SF3A2: variants seen among roughly 807,000 people sequenced by gnomAD.
The protein encoded by SF3A2 is splicing factor 3a subunit 2, also known as SAP 62.
SF3A2 carries 5 observed loss-of-function variants against 31.1 expected under a neutral mutation model. The ratio of observed to expected loss-of-function variants is 0.16; its 90% CI spans 0.08 to 0.34. The LOEUF (loss-of-function observed/expected upper bound fraction) is 0.34. Among genes scored for constraint, SF3A2 ranks in the 10% least tolerant of loss-of-function variants. The pLI, the probability that SF3A2 is intolerant of heterozygous loss-of-function variation, is 1.00. For synonymous variants in SF3A2, 365 were observed against 263.7 expected, an observed-to-expected ratio of 1.38 and a Z score of -3.72; for missense variants, 577 against 643.9, an observed-to-expected ratio of 0.90 and a Z score of 1.13.
chr19:2,244,834 T>G, intron 4 of SF3A2, 55 bp downstream of exon 4: 1 of 1,539,208 alleles, frequency 6.5e-7, no homozygotes, highest in South Asian at 1.1e-5. Context: ...TTGGCTCAAG[T>G]CTCTGTGAGC....
chr19:2,244,948 G>A, intron 4 of SF3A2, 169 bp downstream of exon 4: 2 of 626,322 alleles, frequency 3.2e-6, no homozygotes, highest in Non-Finnish European at 5.6e-6. Flanking sequence ...GGCATGGATG[G>A]CTGAGGCGGG....
rs760420249 is a variant in SF3A2 at position 2,247,837 on chromosome 19, G to C, written c.686G>C (p.Gly229Ala). ...CCCAGCCTCCCTGCTGGCCCCCCTGGGGTGAAGCGGCCTCCACCCCCGCTG... is the reference window on the plus strand; with the variant it reads ...CCCAGCCTCCCTGCTGGCCCCCCTGCGGTGAAGCGGCCTCCACCCCCGCTG... The part of the protein sequence containing the change: ...APPSLPAGPP[G>A]VKRPPPPLMN... Residue 229 changes from glycine to alanine, a missense_variant, in exon 9 of 9, where the codon GGG becomes GCG. Coordinates refer to ENST00000221494, the MANE Select transcript of SF3A2 (RefSeq NM_007165.5). The C allele has an allele frequency of 1.3e-6, 2 of 1,589,156 alleles. No homozygotes were observed. The highest frequency in any genetic ancestry group is 2.2e-5 in the South Asian group (2 of 90,690).
At chr19:2,241,953 C>G (rs2024893414) in intron 1 of SF3A2, among the ~76,000 whole-genome samples, 1 of 152,192 alleles carries the variant, frequency 6.6e-6, no homozygotes, top group East Asian at 1.9e-4. Flanking sequence ...AGTTACCATG[C>G]TTGATCATTT....
intron 1 of SF3A2, among the ~76,000 whole-genome samples, chr19:2,238,247 C>T (rs970963908): frequency 5.9e-5 from 9 of 152,190 alleles, no homozygotes; most frequent in African/African-American, 2.2e-4. Context: ...TGGTCTCGAA[C>T]TCCTGACCAG....
rs923364327 is a variant in SF3A2 at position 2,244,414 on chromosome 19, G to A, written c.127-130G>A. On this transcript the variant is annotated intron_variant, in intron 2 of 8. Transcript: ENST00000221494. ...TCAGAAATGCTTGACCACTGTCAGC[G>A]GTAGCCATGCCTCTACAGAAGGGGG... is the stretch of plus-strand genomic sequence containing the variant. 15 of 712,822 alleles carry A rather than the reference G, an allele frequency of 2.1e-5. No individual in the cohort carries two copies. The East Asian group carries it at 2.2e-4, about 10-fold the overall frequency. 44.2% of individuals were successfully genotyped at this position (712,822 alleles called of 1,614,324 possible). A position where few individuals can be genotyped will look rare whatever the true frequency, so the allele number is the denominator to read the frequency against.
intron 7 of SF3A2, among the ~76,000 whole-genome samples, 177 bp from the exon 8 acceptor site, chr19:2,247,417 G>A (rs1476778916): frequency 6.6e-6 from 1 of 152,158 alleles, no homozygotes; most frequent in South Asian, 2.1e-4. Context: ...CTAGCATTGA[G>A]GCCAGGTCTG....
intron 7 of SF3A2, 155 bp downstream of exon 7, chr19:2,247,177 C>T (rs1008623877): frequency 2.0e-5 from 13 of 636,778 alleles, no homozygotes; most frequent in African/African-American, 3.7e-5. Flanking sequence ...GGGCAGGGCA[C>T]CTCTCCCATT....
chr19:2,245,334 C>T lies in SF3A2; in HGVS notation c.246-112C>T. Reference sequence around the variant, plus strand: ...CCCCTCCCAGGCCCCTGGCCCTCCTCATCTCTCAGCTTGTAGTGAGCTCCA... The same window carrying T: ...CCCCTCCCAGGCCCCTGGCCCTCCTTATCTCTCAGCTTGTAGTGAGCTCCA... On this transcript the variant is annotated intron_variant, in intron 4 of 8. Transcript: ENST00000221494. This position sits in a 1 kb window ranked among gnomAD's most constrained non-coding sequence, Gnocchi z 4.2. The T allele has an allele frequency of 1.3e-6, 1 of 749,362 alleles. No individual in the cohort carries two copies. The highest frequency in any genetic ancestry group is 2.2e-6 in the Non-Finnish European group (1 of 451,508). 46.4% of individuals were successfully genotyped at this position (749,362 alleles called of 1,614,324 possible). A position where few individuals can be genotyped will look rare whatever the true frequency, so the allele number is the denominator to read the frequency against.
rs369028366 is a variant in SF3A2, at chr19:2,239,350, C to T, written c.-38+2449C>T. Among the ~76,000 whole-genome samples, 202 of 91,740 alleles carry T rather than the reference C, an allele frequency of 2.2e-3. 2 individuals carry two copies. Among genetic ancestry groups the T allele is most frequent in the African/African-American group, 8.1e-3 (183 of 22,672 alleles). 60.2% of individuals were successfully genotyped at this position (91,740 alleles called of 152,430 possible). On this transcript the variant is annotated intron_variant, in intron 1 of 8. Transcript: ENST00000221494. ...ACTGCCTGGGCGACAGAGCGAGAATCCGTCTCAAAAAAAAAAAAAAAAAAA... is the reference window on the plus strand; with the variant it reads ...ACTGCCTGGGCGACAGAGCGAGAATTCGTCTCAAAAAAAAAAAAAAAAAAA...
At position 2,245,855 on chromosome 19, in the gene SF3A2, G is replaced by A. The variant is rs1201939749; in HGVS notation, c.355+300G>A. On this transcript the variant is annotated intron_variant, in intron 5 of 8. Coordinates refer to ENST00000221494, the MANE Select transcript of SF3A2 (RefSeq NM_007165.5). This position sits in a 1 kb window ranked among gnomAD's most constrained non-coding sequence, Gnocchi z 4.2. ...ATTCTTGCCAAGCAAAAGAGTGGAA[G>A]TGGAGGTGTGGTGAGCCCTGGCACA... 1.2e-5 allele frequency: 5 copies of A among 433,250 alleles called. No homozygotes were observed. Among genetic ancestry groups the A allele is most frequent in the Non-Finnish European group, 2.1e-5 (5 of 236,792 alleles). The allele number at this position is 433,250 out of a possible 1,614,324, so 26.8% of individuals were successfully genotyped here.
intron 1 of SF3A2, 29 bp from the exon 2 acceptor site, chr19:2,243,353 C>G: frequency 2.1e-6 from 3 of 1,460,108 alleles, no homozygotes; most frequent in Non-Finnish European, 2.7e-6. Context: ...TCTGAGCCAT[C>G]TTCCTCACTC....
intron 7 of SF3A2, 31 bp downstream of exon 7, chr19:2,247,053 C>T (rs1599654323): frequency 1.9e-6 from 3 of 1,587,054 alleles, no homozygotes; most frequent in African/African-American, 1.4e-5. Flanking sequence ...CCTGGGCCCC[C>T]TTGAGATGTG....
chr19:2,241,552 G>A (rs1457849110), intron 1 of SF3A2, among the ~76,000 whole-genome samples: 1 of 152,238 alleles, frequency 6.6e-6, no homozygotes, highest in Non-Finnish European at 1.5e-5. Context: ...TGGGCCGTCC[G>A]GAGACAGAAC....
In SF3A2 at chr19:2,248,161, A is replaced by G; in HGVS notation, c.1010A>G (p.His337Arg). 7.0e-7 allele frequency: 1 copy of G among 1,432,088 alleles called. No individual in the cohort carries two copies. Among genetic ancestry groups the G allele is most frequent in the Non-Finnish European group, 9.4e-7 (1 of 1,068,814 alleles). 88.7% of individuals were successfully genotyped at this position (1,432,088 alleles called of 1,614,324 possible). A position where few individuals can be genotyped will look rare whatever the true frequency, so the allele number is the denominator to read the frequency against. Residue 337 changes from histidine (H) to arginine (R), a missense_variant, in exon 9 of 9, where the codon CAC (histidine) becomes CGC (arginine). His to Arg is a conservative substitution (Grantham distance 29). Around this residue, in one of 6 missense-constraint regions of SF3A2, gnomAD observed 462 missense variants for 339.1 expected, o/e 1.36. Transcript: ENST00000221494. ...GTCCACCCCCCAGCTCCTGGAGTCCACCCTCCAGCCCCCGGGGTTCACCCA... is the reference window on the plus strand; with the variant it reads ...GTCCACCCCCCAGCTCCTGGAGTCCGCCCTCCAGCCCCCGGGGTTCACCCA... ...SGVHPPAPGV[H>R]PPAPGVHPPA...
chr19:2,245,843 A>C lies in SF3A2; in HGVS notation c.355+288A>C. 2 of 458,030 alleles carry C rather than the reference A, an allele frequency of 4.4e-6. No individual in the cohort carries two copies. Among genetic ancestry groups the C allele is most frequent in the South Asian group, 5.1e-5 (2 of 39,392 alleles). 28.4% of individuals were successfully genotyped at this position (458,030 alleles called of 1,614,324 possible). On this transcript the variant is annotated intron_variant, in intron 5 of 8. Transcript: ENST00000221494. The surrounding 1 kb of genome is among the most constrained non-coding windows in gnomAD (Gnocchi z 4.2). ...AAGCTTCTGGGAATTCTTGCCAAGC[A>C]AAAGAGTGGAAGTGGAGGTGTGGTG...
intron 1 of SF3A2, among the ~76,000 whole-genome samples, chr19:2,238,220 C>T (rs568194249): frequency 1.3e-5 from 2 of 152,280 alleles, no homozygotes; most frequent in Admixed American, 1.3e-4. Flanking sequence ...GACGAGGTTT[C>T]GCCATGTTGC....
intron 1 of SF3A2, chr19:2,237,577 T>C (rs1407405045): frequency 1.3e-5 from 2 of 152,208 alleles, no homozygotes; most frequent in Admixed American, 6.5e-5. Flanking sequence ...AGCAAGACCC[T>C]GTTTGACAAA....
rs1404630097 is a variant in SF3A2 at position 2,243,314 on chromosome 19, C to G, written c.-37-68C>G. 3 of 1,334,900 alleles carry G rather than the reference C, an allele frequency of 2.2e-6. No homozygotes were observed. The African/African-American group carries it at 4.6e-5, about 21-fold the overall frequency. The allele number at this position is 1,334,900 out of a possible 1,614,324, so 82.7% of individuals were successfully genotyped here. A position where few individuals can be genotyped will look rare whatever the true frequency, so the allele number is the denominator to read the frequency against. On this transcript the variant is annotated intron_variant, in intron 1 of 8. Coordinates refer to ENST00000221494, the MANE Select transcript of SF3A2 (RefSeq NM_007165.5). ...TCTCGAGGGCTCCAGCCCAGCCCGC[C>G]CAGGGAGGTCCCAGCAGCAGCCCCG...
chr19:2,243,488 C>T lies in SF3A2; in HGVS notation c.70C>T (p.Arg24Cys). 1.3e-6 allele frequency: 2 copies of T among 1,552,024 alleles called. No individual in the cohort carries two copies. Among genetic ancestry groups the T allele is most frequent in the Non-Finnish European group, 1.7e-6 (2 of 1,157,396 alleles). Residue 24 changes from arginine (R) to cysteine (C), a missense_variant, in exon 2 of 9, where the codon CGT becomes TGT. Around this residue, in one of 6 missense-constraint regions of SF3A2, gnomAD observed 40 missense variants for 50.0 expected, o/e 0.80. Coordinates refer to ENST00000221494, the MANE Select transcript of SF3A2 (RefSeq NM_007165.5). ...GGVASSSESN[R>C]DRRERLRQLA... ...CGTGGCCTCCTCCTCCGAGAGCAAC[C>T]GTGACCGCAGGGAGCGCCTCCGGCA...
Sources: gnomAD v4.1 joint callset for allele counts (sites outside exome capture counted in the v4.1 genomes callset) on GRCh38, gnomAD v4.1.1 for gene constraint, gnomAD v4.1.1 regional missense constraint, Gnocchi (gnomAD v3.1) non-coding constraint, MANE v1.5 for transcripts, NCBI Gene and HGNC (gene_info 2026-07-23, HGNC 2026-07-21) for gene names.